Variants in CDKL2 observed in about 807,000 individuals in gnomAD.
The protein encoded by CDKL2 is cyclin-dependent kinase-like 2.
A neutral mutation model predicts 63.9 loss-of-function variants in CDKL2; 64 were observed. The observed-to-expected ratio is 1.00, with a 90% CI of 0.82 to 1.23. CDKL2 has a LOEUF of 1.23. Ranked by LOEUF, CDKL2 falls within the 50% of genes most tolerant of loss-of-function variation. CDKL2 has a pLI of 0.00. For synonymous variants in CDKL2, 211 were observed against 229.2 expected (o/e 0.92, Z 0.72); for missense variants, 656 against 668.0 (o/e 0.98, Z 0.20).
chr4:75,579,211 T>C (rs1241954233), intron 13 of CDKL2, 33 bp from the exon 14 acceptor site: 1 of 152,180 alleles, frequency 6.6e-6, no homozygotes, highest in Non-Finnish European at 1.5e-5. Flanking sequence ...CACCAACTAT[T>C]TTACAAAAAA....
In CDKL2 at chr4:75,596,273, T is replaced by C. The variant is rs1355016235; in HGVS notation, c.1390A>G (p.Ile464Val). Residue 464 changes from isoleucine to valine, a missense_variant, in exon 10 of 14, where the codon ATT becomes GTT. By Grantham distance (29) the Ile-to-Val change is conservative. Coordinates refer to ENST00000307465, the MANE Select transcript of CDKL2 (RefSeq NM_001330724.2). ...VKPNRHSPSG[I>V]YNINVTTLVS... ...AATGTGGTCACATTAATGTTATAAA[T>C]GCCTGATGGGGAATGTCTGTTCGGT... is the stretch of plus-strand genomic sequence containing the variant. The C allele has an allele frequency of 6.2e-7, 1 of 1,611,020 alleles. No individual in the cohort carries two copies. The highest frequency in any genetic ancestry group is 1.1e-5 in the South Asian group (1 of 91,010).
chr4:75,622,331 C>T lies in CDKL2; in HGVS notation c.168+3490G>A, dbSNP rs184667863. ...TATAAGAGATATACTTTACATCTAACGACACAGAAGGTTAATAGGAGAAAG... is the reference window on the plus strand; with the variant it reads ...TATAAGAGATATACTTTACATCTAATGACACAGAAGGTTAATAGGAGAAAG... On this transcript the variant is annotated intron_variant, in intron 2 of 13. Transcript: ENST00000307465. 1.2e-4 allele frequency among the ~76,000 whole-genome samples: 18 copies of T among 152,092 alleles called. No individual in the cohort carries two copies. In the East Asian group the frequency reaches 1.9e-3, roughly 16 times the overall value.
At chr4:75,597,753 C>A (rs1729006581) in intron 8 of CDKL2, among the ~76,000 whole-genome samples, 2 of 152,112 alleles carry the variant, frequency 1.3e-5, no homozygotes. Context: ...TCACTCATAT[C>A]CTTTAAGAAA....
intron 4 of CDKL2, among the ~76,000 whole-genome samples, chr4:75,606,899 A>G (rs531343689): frequency 2.4e-4 from 36 of 152,306 alleles, no homozygotes; most frequent in African/African-American, 8.7e-4. Context: ...GTCACATTTA[A>G]CCAATCAATG....
intron 8 of CDKL2, among the ~76,000 whole-genome samples, 197 bp downstream of exon 8, chr4:75,597,880 C>T (rs946172197): frequency 6.6e-6 from 1 of 152,132 alleles, no homozygotes; most frequent in Non-Finnish European, 1.5e-5. Context: ...CAGTCTGGCA[C>T]ATAACAGGTA....
At chr4:75,609,334 C>T (rs961898901) in intron 3 of CDKL2, among the ~76,000 whole-genome samples, 7 of 151,902 alleles carry the variant, frequency 4.6e-5, no homozygotes, top group South Asian at 2.1e-4. Context: ...TGGCCAGGTG[C>T]GGTGGCTCAC....
intron 10 of CDKL2, 88 bp from the exon 11 acceptor site, chr4:75,592,357 TA>T: frequency 1.7e-6 from 2 of 1,159,880 alleles, no homozygotes; most frequent in Non-Finnish European, 2.2e-6. Context: ...GTTCATATCC[TA>T]AAATTTGTGA....
intron 2 of CDKL2, among the ~76,000 whole-genome samples, chr4:75,616,455 G>A (rs1472007200): frequency 6.6e-6 from 1 of 152,054 alleles, no homozygotes; most frequent in Non-Finnish European, 1.5e-5. Flanking sequence ...CTGAGGTCAG[G>A]AGTTCAAGAC....
intron 3 of CDKL2, among the ~76,000 whole-genome samples, chr4:75,612,633 T>C (rs1729751675): frequency 6.6e-6 from 1 of 152,188 alleles, no homozygotes; most frequent in African/African-American, 2.4e-5. Flanking sequence ...AACTGATACA[T>C]TAAGTATTTG....
chr4:75,597,941 G>T, intron 8 of CDKL2, 136 bp downstream of exon 8: 1 of 545,910 alleles, frequency 1.8e-6, no homozygotes, highest in South Asian at 2.6e-5. Context: ...CTACTGAGAA[G>T]ATACATTTTT....
chr4:75,622,794 G>T (rs929628446), intron 2 of CDKL2, among the ~76,000 whole-genome samples: 6 of 148,968 alleles, frequency 4.0e-5, no homozygotes, highest in Non-Finnish European at 8.9e-5. Context: ...TCATGAACTG[G>T]ATGCAATATT....
chr4:75,603,292 G>A (rs917096010), intron 6 of CDKL2, among the ~76,000 whole-genome samples: 5 of 151,158 alleles, frequency 3.3e-5, no homozygotes, highest in Non-Finnish European at 7.4e-5. Flanking sequence ...GAGCCACCGC[G>A]CCCGGCCAAT....
intron 9 of CDKL2, 38 bp from the exon 10 acceptor site, chr4:75,596,378 A>T (rs1267998487): frequency 5.5e-6 from 7 of 1,277,542 alleles, no homozygotes; most frequent in Admixed American, 1.7e-5. Flanking sequence ...AGTTAGAACC[A>T]GCAATAATTA....
chr4:75,614,552 G>A, intron 2 of CDKL2, 103 bp from the exon 3 acceptor site: 1 of 702,204 alleles, frequency 1.4e-6, no homozygotes, highest in South Asian at 2.5e-5. Flanking sequence ...ATAGATCTCA[G>A]CGTAAGAAAA....
rs377122554 is a variant in CDKL2, at chr4:75,591,457, T to C, written c.1647+362A>G. On this transcript the variant is annotated intron_variant, in intron 12 of 13. Transcript: ENST00000307465. The stretch of plus-strand genomic sequence containing the variant: ...ACAAAAAATTTAAAAATTAATTAGA[T>C]ATGGTGGTGCATGCCTGTAATCTCA... 3.3e-5 allele frequency among the ~76,000 whole-genome samples: 5 copies of C among 151,942 alleles called. No homozygotes were observed. In the East Asian group the frequency reaches 5.8e-4, roughly 18 times the overall value.
chr4:75,627,016 C>T (rs914668485), intron 1 of CDKL2, among the ~76,000 whole-genome samples: 1 of 151,700 alleles, frequency 6.6e-6, no homozygotes, highest in Non-Finnish European at 1.5e-5. Flanking sequence ...CCAGCCTGGC[C>T]AACATGGTGA....
At chr4:75,592,975 A>T (rs909923322) in intron 10 of CDKL2, among the ~76,000 whole-genome samples, 1 of 152,246 alleles carries the variant, frequency 6.6e-6, no homozygotes, top group Non-Finnish European at 1.5e-5. Flanking sequence ...CGAGAATCAC[A>T]GAAAGCCTGT....
intron 1 of CDKL2, among the ~76,000 whole-genome samples, chr4:75,629,833 G>T (rs1465333507): frequency 6.6e-6 from 1 of 151,094 alleles, no homozygotes; most frequent in Non-Finnish European, 1.5e-5. Context: ...AGCTACTTGG[G>T]AGGCTGAGGC....
chr4:75,592,766 CAGAGTT>C (rs1307349889), intron 10 of CDKL2, among the ~76,000 whole-genome samples: 4 of 152,128 alleles, frequency 2.6e-5, no homozygotes, highest in African/African-American at 9.7e-5. Context: ...TCTTGCTCCT[CAGAGTT>C]AGAATATAAT....
Sources: allele counts gnomAD v4.1 joint callset (sites outside exome capture counted in the v4.1 genomes callset), GRCh38; gene constraint gnomAD v4.1.1; transcripts MANE v1.5; gene names NCBI Gene and HGNC (gene_info 2026-07-23, HGNC 2026-07-21).